CEP126: variants seen among roughly 807,000 people sequenced by gnomAD.
CEP126 encodes the protein centrosomal protein of 126 kDa.
In CEP126, 74 loss-of-function variants were observed where a neutral mutation model predicts 107.8. The ratio of observed to expected loss-of-function variants is 0.69; its 90% CI spans 0.57 to 0.83. CEP126 has a LOEUF of 0.83. Among genes scored for constraint, CEP126 ranks in the 40% least tolerant of loss-of-function variants. The probability of loss-of-function intolerance (pLI) is 0.00; values close to 1 mark genes in which losing one functional copy is unlikely to be tolerated. For synonymous variants in CEP126, 449 were observed against 446.0 expected (o/e 1.01, Z -0.08); for missense variants, 1,237 against 1,281.9 (o/e 0.96, Z 0.53).
At chr11:101,924,274 G>A (rs1391183198) in intron 2 of CEP126, among the ~76,000 whole-genome samples, 2 of 151,984 alleles carry the variant, frequency 1.3e-5, no homozygotes, top group Admixed American at 6.6e-5. Context: ...TTTTATAAGG[G>A]GGCTGAATTA....
chr11:101,944,210 C>A, intron 2 of CEP126, 55 bp from the exon 3 acceptor site: 1 of 1,420,388 alleles, frequency 7.0e-7, no homozygotes, highest in South Asian at 1.5e-5. Flanking sequence ...CATTTTGAAA[C>A]TATTTTCTAA....
chr11:101,939,919 G>A (rs549019842), intron 2 of CEP126, among the ~76,000 whole-genome samples: 13 of 152,248 alleles, frequency 8.5e-5, no homozygotes, highest in Admixed American at 2.6e-4. Flanking sequence ...GACCATCAAA[G>A]CATTTGCCCA....
intron 3 of CEP126, among the ~76,000 whole-genome samples, chr11:101,944,909 A>G (rs1231873485): frequency 1.3e-5 from 2 of 152,172 alleles, no homozygotes; most frequent in Non-Finnish European, 2.9e-5. Context: ...ACATTTTTAT[A>G]CCTTAAATAG....
rs747069028 is a variant in CEP126, at chr11:101,963,537, A to G, written c.2502A>G (p.Thr834=). ...CTGAAAATCCTCAAAACATTATTAC[A>G]CATAACTCTTTTAATTCAAAACATG... is the stretch of plus-strand genomic sequence containing the variant. ...VTPENPQNII[T]HNSFNSKHVL... Residue 834 remains threonine (T), a synonymous_variant, in exon 6 of 11, where the codon ACA becomes ACG. Coordinates refer to ENST00000263468, the MANE Select transcript of CEP126 (RefSeq NM_020802.4). 1 of 1,614,162 alleles carries G rather than the reference A, an allele frequency of 6.2e-7. No individual in the cohort carries two copies. Among genetic ancestry groups the G allele is most frequent in the East Asian group, 2.2e-5 (1 of 44,878 alleles).
rs1053154432 is a variant in CEP126 at position 101,963,985 on chromosome 11, A to C, written c.2845+105A>C. On this transcript the variant is annotated intron_variant, in intron 6 of 10. Coordinates refer to ENST00000263468, the MANE Select transcript of CEP126 (RefSeq NM_020802.4). The stretch of plus-strand genomic sequence containing the variant: ...TGGCCATACATACTACATAAATATT[A>C]ATATTAAACAATAGCTTTATAGAAA... 1.4e-5 allele frequency: 10 copies of C among 699,562 alleles called. No homozygotes were observed. In the Admixed American group the frequency reaches 2.7e-4, roughly 19 times the overall value. 43.3% of individuals were successfully genotyped at this position (699,562 alleles called of 1,614,324 possible). A position where few individuals can be genotyped will look rare whatever the true frequency, so the allele number is the denominator to read the frequency against.
chr11:101,984,082 A>G (rs1445268752), intron 8 of CEP126, among the ~76,000 whole-genome samples: 2 of 152,202 alleles, frequency 1.3e-5, no homozygotes, highest in African/African-American at 4.8e-5. Context: ...TTTCCCCCAA[A>G]TATTACTTCA....
chr11:101,971,079 C>T (rs1221449656), intron 6 of CEP126, among the ~76,000 whole-genome samples: 1 of 152,106 alleles, frequency 6.6e-6, no homozygotes, highest in Non-Finnish European at 1.5e-5. Flanking sequence ...GCGATCCTCC[C>T]ATCTCAGCCC....
intron 9 of CEP126, among the ~76,000 whole-genome samples, chr11:101,992,233 T>TA (rs1941393802): frequency 6.6e-6 from 1 of 152,078 alleles, no homozygotes; most frequent in South Asian, 2.1e-4. Context: ...AGGTAAAGAA[T>TA]AAAAAAATTA....
At chr11:101,947,779 G>A (rs928829089) in intron 3 of CEP126, among the ~76,000 whole-genome samples, 14 of 152,082 alleles carry the variant, frequency 9.2e-5, no homozygotes, top group African/African-American at 3.1e-4. Context: ...CAGGAATGAA[G>A]AGCCCAGACA....
intron 9 of CEP126, among the ~76,000 whole-genome samples, chr11:101,991,793 A>G: frequency 6.6e-6 from 1 of 152,252 alleles, no homozygotes; most frequent in Admixed American, 6.5e-5. Flanking sequence ...GATGGATCTA[A>G]AAATACATAA....
At chr11:101,943,061 A>C (rs1414017133) in intron 2 of CEP126, among the ~76,000 whole-genome samples, 1 of 149,358 alleles carries the variant, frequency 6.7e-6, no homozygotes, top group Admixed American at 6.7e-5. Context: ...AGTTAATTTC[A>C]CTTTTTCCTT....
At chr11:101,919,384 G>T (rs1940286897) in intron 1 of CEP126, among the ~76,000 whole-genome samples, 1 of 151,920 alleles carries the variant, frequency 6.6e-6, no homozygotes, top group South Asian at 2.1e-4. Context: ...GGATAGAGTG[G>T]GGTAGAATAA....
intron 4 of CEP126, 26 bp downstream of exon 4, chr11:101,948,168 C>A: frequency 7.5e-7 from 1 of 1,335,952 alleles, no homozygotes. Flanking sequence ...TCATTGTATA[C>A]AATTATTACA....
chr11:101,998,044 C>T lies in CEP126; in HGVS notation c.*401C>T, dbSNP rs1941463310. 1 of 160,626 alleles carries T rather than the reference C, an allele frequency of 6.2e-6. No individual in the cohort carries two copies. The highest frequency in any genetic ancestry group is 6.2e-5 in the Admixed American group (1 of 16,180). 10.0% of individuals were successfully genotyped at this position (160,626 alleles called of 1,614,324 possible). On this transcript the variant is annotated 3_prime_UTR_variant, in exon 11 of 11. Transcript: ENST00000263468. ...CTGTTTATTGAACCTCTTTATTAAACCTCTAACTTACTGATAAGATGTTTA... is the reference window on the plus strand; with the variant it reads ...CTGTTTATTGAACCTCTTTATTAAATCTCTAACTTACTGATAAGATGTTTA...
chr11:101,943,374 A>C (rs1940692217), intron 2 of CEP126, among the ~76,000 whole-genome samples: 1 of 152,044 alleles, frequency 6.6e-6, no homozygotes, highest in South Asian at 2.1e-4. Flanking sequence ...GTCTTTAGAA[A>C]GATGCTTAAT....
chr11:101,948,710 A>G (rs189589840), intron 4 of CEP126, among the ~76,000 whole-genome samples: 43 of 152,318 alleles, frequency 2.8e-4, no homozygotes, highest in African/African-American at 9.9e-4. Flanking sequence ...TACTACATGT[A>G]TAGAAGTAGA....
intron 5 of CEP126, among the ~76,000 whole-genome samples, chr11:101,960,795 T>C (rs930031343): frequency 6.6e-6 from 1 of 152,096 alleles, no homozygotes; most frequent in Non-Finnish European, 1.5e-5. Context: ...AAATCTAAAA[T>C]GTATGATAAA....
chr11:101,961,154 G>A (rs76772646), intron 5 of CEP126, among the ~76,000 whole-genome samples: 1,682 of 152,024 alleles, frequency 0.011, 33 homozygotes, highest in African/African-American at 0.039. Context: ...ACCAGTATAT[G>A]GACCCCATCC....
At chr11:101,970,771 T>A (rs1941117465) in intron 6 of CEP126, among the ~76,000 whole-genome samples, 1 of 152,170 alleles carries the variant, frequency 6.6e-6, no homozygotes, top group Non-Finnish European at 1.5e-5. Flanking sequence ...CCAATCACTA[T>A]TTAAGCACTT....
Sources: gnomAD v4.1 joint callset for allele counts (sites outside exome capture counted in the v4.1 genomes callset) on GRCh38, gnomAD v4.1.1 for gene constraint, MANE v1.5 for transcripts, NCBI Gene and HGNC (gene_info 2026-07-23, HGNC 2026-07-21) for gene names.